BOC: variants seen among roughly 807,000 people sequenced by gnomAD.
BOC encodes BOC cell adhesion associated, oncogene regulated, also known as brother of CDO.
In BOC, 76 loss-of-function variants were observed where a neutral mutation model predicts 112.0. The ratio of observed to expected loss-of-function variants is 0.68; its 90% CI spans 0.56 to 0.82. BOC has a LOEUF of 0.82. Ranked by LOEUF, BOC falls within the 40% of genes least tolerant of loss-of-function variation. The pLI, the probability that BOC is intolerant of heterozygous loss-of-function variation, is 0.00. For missense variants in BOC, 1,309 were observed against 1,511.7 expected (o/e 0.87, Z 2.22); for synonymous variants, 580 against 599.8 (o/e 0.97, Z 0.48).
At chr3:113,212,374 G>C (rs1938354341) in intron 1 of BOC, 1 of 152,224 alleles carries the variant, frequency 6.6e-6, no homozygotes, top group Non-Finnish European at 1.5e-5. Flanking sequence ...GAAGCTTCTC[G>C]GGTGGAAGAA....
At chr3:113,233,897 T>C (rs1210642333) in intron 2 of BOC, among the ~76,000 whole-genome samples, 1 of 128,694 alleles carries the variant, frequency 7.8e-6, no homozygotes, top group African/African-American at 3.0e-5. Flanking sequence ...ACCAAATCCC[T>C]AAGGGAGATA....
At chr3:113,255,621 C>T (rs1946146914) in intron 4 of BOC, among the ~76,000 whole-genome samples, 1 of 152,196 alleles carries the variant, frequency 6.6e-6, no homozygotes, top group South Asian at 2.1e-4. Flanking sequence ...AATGTGAAGT[C>T]TTAAGCTGCA....
At chr3:113,271,119 C>T (rs781431925) in intron 6 of BOC, 175 bp downstream of exon 6, 31 of 928,786 alleles carry the variant, frequency 3.3e-5, no homozygotes. Context: ...TCCCCTCTGG[C>T]CGGCCTCAGG....
Position 113,286,925 on chromosome 3 carries a change from AAAG to A in BOC, c.*65_*67del. On this transcript the variant is annotated 3_prime_UTR_variant, in exon 20 of 20. Transcript: ENST00000682979. ...TTTTTTTAAAAAAAAAAAGAAGAAA[AAAG>A]AGACAGAGAAAATTGGTATTTATTT... The A allele has an allele frequency of 7.1e-7, 1 of 1,404,940 alleles. No individual in the cohort carries two copies. The allele number at this position is 1,404,940 out of a possible 1,614,324, so 87.0% of individuals were successfully genotyped here. A position where few individuals can be genotyped will look rare whatever the true frequency, so the allele number is the denominator to read the frequency against.
chr3:113,281,792 C>A (rs1287010448), intron 15 of BOC, among the ~76,000 whole-genome samples: 1 of 152,194 alleles, frequency 6.6e-6, no homozygotes, highest in Non-Finnish European at 1.5e-5. Context: ...AGAGACAGAA[C>A]AACACATTTT....
At chr3:113,281,265 GT>G in intron 15 of BOC, 112 bp downstream of exon 15, 1 of 1,308,718 alleles carries the variant, frequency 7.6e-7, no homozygotes. Flanking sequence ...AAGACTCTTT[GT>G]TTTCCAAATA....
chr3:113,219,818 A>G (rs1940237964), intron 2 of BOC, among the ~76,000 whole-genome samples: 1 of 152,152 alleles, frequency 6.6e-6, no homozygotes, highest in Non-Finnish European at 1.5e-5. Flanking sequence ...GCTTTGTGGC[A>G]TAGCTGGTGT....
In BOC at chr3:113,279,863, T is replaced by TG; in HGVS notation, c.2068dup (p.Glu690GlyfsTer38). The TG allele has an allele frequency of 6.2e-7, 1 of 1,613,210 alleles. No individual in the cohort carries two copies. The stretch of plus-strand genomic sequence containing the variant: ...TTTCGAGTCCGGGCTCTGAACATGC[T>TG]GGGGGAGAGCGAGCCCAGCGCCCCC... On this transcript the variant is annotated frameshift_variant, in exon 13 of 20. Transcript: ENST00000682979. LOFTEE classifies it high-confidence loss of function.
chr3:113,220,050 G>T (rs1478219349), intron 2 of BOC, among the ~76,000 whole-genome samples: 2 of 16,534 alleles, frequency 1.2e-4, no homozygotes, highest in Non-Finnish European at 4.6e-4. Context: ...GAAGATATTT[G>T]GCCCAGTAGA....
chr3:113,252,669 C>T (rs1226966167), intron 4 of BOC, among the ~76,000 whole-genome samples: 1 of 152,194 alleles, frequency 6.6e-6, no homozygotes, highest in Non-Finnish European at 1.5e-5. Flanking sequence ...AAGGCCTGCC[C>T]TTTTCTCAGA....
chr3:113,220,881 T>C (rs529287685), intron 2 of BOC, among the ~76,000 whole-genome samples: 2 of 152,330 alleles, frequency 1.3e-5, no homozygotes, highest in Admixed American at 1.3e-4. Context: ...ACAGAAGGCA[T>C]CTGTGAAGTT....
At chr3:113,284,060 GTTC>G (rs1303636778) in intron 16 of BOC, among the ~76,000 whole-genome samples, 1 of 151,966 alleles carries the variant, frequency 6.6e-6, no homozygotes, top group East Asian at 1.9e-4. Context: ...TCTAAATATT[GTTC>G]TTCTTTTCAC....
chr3:113,260,416 A>G (rs1275088116), intron 4 of BOC, among the ~76,000 whole-genome samples: 2 of 152,228 alleles, frequency 1.3e-5, no homozygotes, highest in Non-Finnish European at 2.9e-5. Flanking sequence ...GCATAAAACA[A>G]CATTGGAAAG....
In BOC at chr3:113,278,711, C is replaced by G. The variant is rs758755196; in HGVS notation, c.1744C>G (p.Gln582Glu). 2 of 1,570,816 alleles carry G rather than the reference C, an allele frequency of 1.3e-6. No homozygotes were observed. Among genetic ancestry groups the G allele is most frequent in the Admixed American group, 3.7e-5 (2 of 53,964 alleles). Residue 582 changes from glutamine to glutamate, a missense_variant, in exon 11 of 20, where the codon CAG (glutamine) becomes GAG (glutamate). Physicochemically the swap from Gln to Glu is conservative, Grantham distance 29. Coordinates refer to ENST00000682979, the MANE Select transcript of BOC (RefSeq NM_001378074.1). The surrounding 1 kb of genome is among the most constrained non-coding windows in gnomAD (Gnocchi z 4.2). ...ACCCGAGATCATGGCCAGCAAAGAGCAGCAGATCCAGAGAGACGACCCTGG... is the reference window on the plus strand; with the variant it reads ...ACCCGAGATCATGGCCAGCAAAGAGGAGCAGATCCAGAGAGACGACCCTGG... ...PKPEIMASKEQQIQRDDPGAS... is the reference protein window; with the variant it reads ...PKPEIMASKEEQIQRDDPGAS...
intron 2 of BOC, among the ~76,000 whole-genome samples, chr3:113,241,781 G>A (rs929893171): frequency 1.3e-5 from 2 of 152,168 alleles, no homozygotes; most frequent in Non-Finnish European, 2.9e-5. Flanking sequence ...CCCCAGGGCC[G>A]CATTGAAGGC....
chr3:113,215,257 T>G (rs1321112120), intron 1 of BOC, among the ~76,000 whole-genome samples: 1 of 152,182 alleles, frequency 6.6e-6, no homozygotes, highest in African/African-American at 2.4e-5. Flanking sequence ...ATGAAAAGCT[T>G]GCCTAAAGAA....
rs1350399781 is a variant in BOC, at chr3:113,287,157, C to T, written c.*295C>T. 2 of 433,700 alleles carry T rather than the reference C, an allele frequency of 4.6e-6. No homozygotes were observed. Among genetic ancestry groups the T allele is most frequent in the Non-Finnish European group, 8.9e-6 (2 of 225,506 alleles). The allele number at this position is 433,700 out of a possible 1,614,324, so 26.9% of individuals were successfully genotyped here. A position where few individuals can be genotyped will look rare whatever the true frequency, so the allele number is the denominator to read the frequency against. On this transcript the variant is annotated 3_prime_UTR_variant, in exon 20 of 20. Coordinates refer to ENST00000682979, the MANE Select transcript of BOC (RefSeq NM_001378074.1). ...AACCTGGGGCCTCTGCAGTGGCAGG[C>T]GAGGCTGCAGGAGGCCCACAGATAA...
Position 113,279,807 on chromosome 3 carries a change from A to G in BOC, c.2024-17A>G. 1.3e-6 allele frequency: 2 copies of G among 1,590,054 alleles called. No homozygotes were observed. The highest frequency in any genetic ancestry group is 1.7e-6 in the Non-Finnish European group (2 of 1,166,062). On this transcript the variant is annotated splice_polypyrimidine_tract_variant and intron_variant, in intron 12 of 19. Transcript: ENST00000682979. ...TATTTCCCAGCTCCTGAGTTCAGTG[A>G]GTGTCCCTCTCACCAGGCACCTCCT... is the stretch of plus-strand genomic sequence containing the variant.
In BOC at chr3:113,271,046, C is replaced by G. The variant is rs772662073; in HGVS notation, c.667+102C>G. On this transcript the variant is annotated intron_variant, in intron 6 of 19. Coordinates refer to ENST00000682979, the MANE Select transcript of BOC (RefSeq NM_001378074.1). Reference sequence around the variant, plus strand: ...TACCTGGAGGTGCCACATCCAAGCTCCAGTTCTGTGTGCACTGGCTTTGGC... The same window carrying G: ...TACCTGGAGGTGCCACATCCAAGCTGCAGTTCTGTGTGCACTGGCTTTGGC... The G allele has an allele frequency of 3.2e-6, 5 of 1,545,834 alleles. No homozygotes were observed. The East Asian group carries it at 6.7e-5, about 21-fold the overall frequency.
Sources: allele counts gnomAD v4.1 joint callset (sites outside exome capture counted in the v4.1 genomes callset), GRCh38; gene constraint gnomAD v4.1.1; non-coding constraint Gnocchi (gnomAD v3.1); transcripts MANE v1.5; gene names NCBI Gene and HGNC (gene_info 2026-07-23, HGNC 2026-07-21).